WDR25: variants seen among roughly 807,000 people sequenced by gnomAD.
WDR25 encodes WD repeat domain 25.
In WDR25, 35 loss-of-function variants were observed where a neutral mutation model predicts 47.7. The observed-to-expected ratio is 0.73, with a 90% CI of 0.56 to 0.97. The LOEUF is 0.97. WDR25 is among the 50% of genes least tolerant of loss of function. The probability of loss-of-function intolerance (pLI) is 0.00; values close to 1 mark genes in which losing one functional copy is unlikely to be tolerated. For synonymous variants in WDR25, 248 were observed against 278.9 expected, an observed-to-expected ratio of 0.89 and a Z score of 1.10; for missense variants, 634 against 704.7, an observed-to-expected ratio of 0.90 and a Z score of 1.14.
chr14:100,478,126 A>AC (rs1900080699), intron 3 of WDR25, among the ~76,000 whole-genome samples: 2 of 149,176 alleles, frequency 1.3e-5, no homozygotes, highest in Admixed American at 6.7e-5. Flanking sequence ...AAACAAACAA[A>AC]AAAACCTGTA....
chr14:100,488,104 C>T lies in WDR25; in HGVS notation c.1101+3980C>T, dbSNP rs1004381458. On this transcript the variant is annotated intron_variant, in intron 4 of 6. Coordinates refer to ENST00000402312, the MANE Select transcript of WDR25 (RefSeq NM_001161476.3). This position sits in a 1 kb window ranked among gnomAD's most constrained non-coding sequence, Gnocchi z 4.2. ...ATTACAGCAAATGGGCTGTTTGGCT[C>T]CCTGTCTCCTCTTCTTGGTGATCTT... 6.6e-6 allele frequency among the ~76,000 whole-genome samples: 1 copy of T among 152,164 alleles called. No homozygotes were observed. Among genetic ancestry groups the T allele is most frequent in the East Asian group, 1.9e-4 (1 of 5,194 alleles).
intron 4 of WDR25, among the ~76,000 whole-genome samples, chr14:100,513,770 C>T (rs1341809560): frequency 6.6e-6 from 1 of 151,906 alleles, no homozygotes; most frequent in Non-Finnish European, 1.5e-5. Flanking sequence ...TCAAGTGATC[C>T]TCCTGCCTCG....
At chr14:100,472,860 C>T (rs577009323) in intron 3 of WDR25, among the ~76,000 whole-genome samples, 1 of 152,376 alleles carries the variant, frequency 6.6e-6, no homozygotes, top group South Asian at 2.1e-4. Flanking sequence ...GCCCCAGGCA[C>T]TCATGGCTGC....
rs1898123715 is a variant in WDR25 at position 100,424,853 on chromosome 14, C to G, written c.822+43107C>G. On this transcript the variant is annotated intron_variant, in intron 2 of 6. Transcript: ENST00000402312. The surrounding 1 kb of genome is among the most constrained non-coding windows in gnomAD (Gnocchi z 4.2). ...CATTCCACTGACAAGGAAACTCAGG[C>G]TCAACAAGGTGATGCCTTTCCCAGG... is the stretch of plus-strand genomic sequence containing the variant. 6.6e-6 allele frequency among the ~76,000 whole-genome samples: 1 copy of G among 152,170 alleles called. No individual in the cohort carries two copies. The highest frequency in any genetic ancestry group is 6.5e-5 in the Admixed American group (1 of 15,284).
chr14:100,516,765 T>G (rs1303547472), intron 4 of WDR25, among the ~76,000 whole-genome samples: 2 of 152,314 alleles, frequency 1.3e-5, no homozygotes, highest in East Asian at 3.9e-4. Flanking sequence ...ATATTTAAGG[T>G]GGCTGTCTTG....
chr14:100,484,792 ACAT>A (rs1484427216), intron 4 of WDR25, among the ~76,000 whole-genome samples: 1 of 152,022 alleles, frequency 6.6e-6, no homozygotes, highest in Non-Finnish European at 1.5e-5. Context: ...ATTTTTCCCC[ACAT>A]CAGCTGTTGT....
At chr14:100,466,161 C>T (rs1346860833) in intron 2 of WDR25, among the ~76,000 whole-genome samples, 2 of 152,102 alleles carry the variant, frequency 1.3e-5, no homozygotes, top group African/African-American at 2.4e-5. Flanking sequence ...CTGGCTGTGT[C>T]GTGTTTCTAA....
rs752993616 is a variant in WDR25, at chr14:100,381,544, C to T, written c.620C>T (p.Ala207Val). The T allele has an allele frequency of 2.5e-5, 41 of 1,613,954 alleles. No individual in the cohort carries two copies. Among genetic ancestry groups the T allele is most frequent in the Non-Finnish European group, 2.3e-5 (27 of 1,179,938 alleles). The stretch of plus-strand genomic sequence containing the variant: ...CCACAGGGGCCCCCTGCAGGGCGTG[C>T]CCCAGCCCCTCTCTACGTGGGCCCG... ...VEPQGPPAGRAPAPLYVGPGV... is the reference protein window; with the variant it reads ...VEPQGPPAGRVPAPLYVGPGV... Residue 207 changes from alanine to valine, a missense_variant, in exon 2 of 7, where the codon GCC becomes GTC. Coordinates refer to ENST00000402312, the MANE Select transcript of WDR25 (RefSeq NM_001161476.3).
intron 2 of WDR25, among the ~76,000 whole-genome samples, chr14:100,451,240 AT>A (rs869290658): frequency 9.6e-6 from 1 of 104,308 alleles, no homozygotes; most frequent in Non-Finnish European, 1.8e-5. Flanking sequence ...TCGCCAAAGC[AT>A]TCTTTTTTTT....
intron 2 of WDR25, chr14:100,406,775 A>G (rs1390062348): frequency 1.3e-5 from 2 of 152,352 alleles, no homozygotes; most frequent in East Asian, 3.8e-4. Context: ...TAGGTGCTGG[A>G]CAGACATTTG....
chr14:100,387,914 A>G (rs1897055155), intron 2 of WDR25, among the ~76,000 whole-genome samples: 1 of 152,204 alleles, frequency 6.6e-6, no homozygotes, highest in African/African-American at 2.4e-5. Flanking sequence ...TTGCATTTTT[A>G]TGTATCACAG....
intron 2 of WDR25, among the ~76,000 whole-genome samples, chr14:100,456,479 C>G (rs1278469694): frequency 1.3e-5 from 2 of 152,160 alleles, no homozygotes; most frequent in Admixed American, 6.5e-5. Context: ...AACTGTTCAA[C>G]CAACTATTAT....
At chr14:100,492,243 T>C (rs3923757) in intron 4 of WDR25, among the ~76,000 whole-genome samples, 20,897 of 152,184 alleles carry the variant, frequency 0.14, 4,582 homozygotes, top group African/African-American at 0.46. Context: ...CCCTGTGTGT[T>C]CCCTGGGTTG....
chr14:100,444,884 C>G (rs1047376648), intron 2 of WDR25, among the ~76,000 whole-genome samples: 2 of 152,232 alleles, frequency 1.3e-5, no homozygotes, highest in Non-Finnish European at 2.9e-5. Context: ...TCTACTTCGT[C>G]ACTTTAATTC....
In WDR25 at chr14:100,529,126, A is replaced by C. The variant is rs2030337869; in HGVS notation, c.1331A>C (p.Gln444Pro). 6.3e-7 allele frequency: 1 copy of C among 1,598,526 alleles called. No individual in the cohort carries two copies. The highest frequency in any genetic ancestry group is 1.7e-5 in the Admixed American group (1 of 59,498). The change falls in exon 6 of 7, where the codon CAG (glutamine) becomes CCG (proline). Residue 444 changes from glutamine (Q) to proline (P), a missense_variant. By Grantham distance (76) the Gln-to-Pro change is moderately conservative. Transcript: ENST00000402312. The surrounding 1 kb of genome is among the most constrained non-coding windows in gnomAD (Gnocchi z 5.1). ...CCGAGAGAGCCCGTGTTCCTGGCAC[A>C]GACCAATGGCAACTACCTGGCCCTT... Reference protein sequence around the residue: ...LHPREPVFLAQTNGNYLALFS... With the variant: ...LHPREPVFLAPTNGNYLALFS...
intron 4 of WDR25, among the ~76,000 whole-genome samples, chr14:100,495,036 A>G (rs140288604): frequency 2.0e-5 from 3 of 152,362 alleles, no homozygotes; most frequent in African/African-American, 4.8e-5. Flanking sequence ...AATACATAAA[A>G]GAAGAACAGA....
intron 2 of WDR25, among the ~76,000 whole-genome samples, chr14:100,397,846 T>C (rs2140165212): frequency 6.6e-6 from 1 of 152,260 alleles, no homozygotes; most frequent in East Asian, 1.9e-4. Context: ...GAGAAAACTT[T>C]TTTTGTTTTT....
At chr14:100,485,948 A>T (rs959424899) in intron 4 of WDR25, among the ~76,000 whole-genome samples, 2 of 147,650 alleles carry the variant, frequency 1.4e-5, no homozygotes, top group East Asian at 3.9e-4. Flanking sequence ...TGTAGTCTTT[A>T]AAAAAAAATC....
rs534137187 is a variant in WDR25, at chr14:100,434,326, C to T, written c.823-33695C>T. Among the ~76,000 whole-genome samples the T allele has an allele frequency of 3.3e-5, 5 of 152,282 alleles. No individual in the cohort carries two copies. The East Asian group carries it at 5.8e-4, about 18-fold the overall frequency. ...TTTTCCATTTCCATATTTGTCACTC[C>T]CCCCTCCAACAGTGAAACCTGGCTT... On this transcript the variant is annotated intron_variant, in intron 2 of 6. Coordinates refer to ENST00000402312, the MANE Select transcript of WDR25 (RefSeq NM_001161476.3).
Sources: allele counts gnomAD v4.1 joint callset (sites outside exome capture counted in the v4.1 genomes callset), GRCh38; gene constraint gnomAD v4.1.1; non-coding constraint Gnocchi (gnomAD v3.1); transcripts MANE v1.5; gene names NCBI Gene and HGNC (gene_info 2026-07-23, HGNC 2026-07-21).